Variants in PSTPIP1 observed in about 807,000 individuals in gnomAD.
PSTPIP1 encodes proline-serine-threonine phosphatase-interacting protein 1.
A neutral mutation model predicts 69.6 loss-of-function variants in PSTPIP1; 66 were observed. The observed-to-expected ratio is 0.95, with a 90% CI of 0.78 to 1.16. The LOEUF is 1.16. Ranked by LOEUF, PSTPIP1 falls within the 50% of genes most tolerant of loss-of-function variation. PSTPIP1 has a pLI of 0.00. For missense variants in PSTPIP1, 603 were observed against 557.4 expected, an observed-to-expected ratio of 1.08 and a Z score of -0.82; for synonymous variants, 266 against 222.7, an observed-to-expected ratio of 1.19 and a Z score of -1.73.
intron 5 of PSTPIP1, among the ~76,000 whole-genome samples, chr15:77,025,852 C>T (rs1470885163): frequency 6.6e-6 from 1 of 152,182 alleles, no homozygotes; most frequent in African/African-American, 2.4e-5. Context: ...GTCGAGCTGC[C>T]TCACGCCTAG....
chr15:77,006,969 G>A (rs1462293903), intron 1 of PSTPIP1, among the ~76,000 whole-genome samples: 1 of 152,178 alleles, frequency 6.6e-6, no homozygotes, highest in Non-Finnish European at 1.5e-5. Context: ...TTTTATAGGT[G>A]AGGAGACTGA....
In PSTPIP1 at chr15:77,035,905, G is replaced by C; in HGVS notation, c.1089G>C (p.Glu363Asp). Residue 363 changes from glutamate (E) to aspartate (D), a missense_variant, in exon 14 of 15, where the codon GAG (glutamate) becomes GAC (aspartate). Glu to Asp is a conservative substitution (Grantham distance 45). Transcript: ENST00000558012. The part of the protein sequence containing the change: ...IQGNPASPAQ[E>D]YRALYDYTAQ... Reference sequence around the variant, plus strand: ...GAAACCCGGCCTCACCAGCCCAGGAGTACCGGGCGCTCTACGATTATACAG... The same window carrying C: ...GAAACCCGGCCTCACCAGCCCAGGACTACCGGGCGCTCTACGATTATACAG... 6.2e-7 allele frequency: 1 copy of C among 1,608,944 alleles called. No homozygotes were observed. The highest frequency in any genetic ancestry group is 8.5e-7 in the Non-Finnish European group (1 of 1,179,040).
intron 9 of PSTPIP1, 106 bp downstream of exon 9, chr15:77,030,687 A>C (rs2076393287): frequency 8.7e-7 from 1 of 1,145,234 alleles, no homozygotes; most frequent in Non-Finnish European, 1.2e-6. Context: ...TGGGGAAGGT[A>C]CCTGTTACTC....
intron 1 of PSTPIP1, among the ~76,000 whole-genome samples, chr15:77,013,991 T>C (rs1294342217): frequency 2.0e-5 from 3 of 152,088 alleles, no homozygotes; most frequent in Non-Finnish European, 4.4e-5. Flanking sequence ...GGGAAGGTGT[T>C]TCTGGTCGGG....
chr15:77,037,231 C>T lies in PSTPIP1; in HGVS notation c.*55C>T. 1 of 1,547,728 alleles carries T rather than the reference C, an allele frequency of 6.5e-7. No individual in the cohort carries two copies. Among genetic ancestry groups the T allele is most frequent in the African/African-American group, 1.4e-5 (1 of 73,300 alleles). Reference sequence around the variant, plus strand: ...CCTGCCAGTGGAGCCAGCAGTGCCCCCAGCACTGTCCCCACCTTGCTAGGG... The same window carrying T: ...CCTGCCAGTGGAGCCAGCAGTGCCCTCAGCACTGTCCCCACCTTGCTAGGG... On this transcript the variant is annotated 3_prime_UTR_variant, in exon 15 of 15. Transcript: ENST00000558012.
chr15:77,023,739 G>A (rs1292669287), intron 3 of PSTPIP1: 2 of 152,554 alleles, frequency 1.3e-5, no homozygotes, highest in Non-Finnish European at 2.9e-5. Context: ...CTCTGGGAGG[G>A]GTCTGGGTAT....
intron 1 of PSTPIP1, among the ~76,000 whole-genome samples, chr15:77,012,372 C>T: frequency 7.1e-6 from 1 of 141,238 alleles, no homozygotes. Flanking sequence ...CACCCACCCA[C>T]CTATCCACCC....
chr15:76,995,731 C>A (rs2152659006), intron 1 of PSTPIP1, 122 bp downstream of exon 1: 6 of 1,554,470 alleles, frequency 3.9e-6, no homozygotes, highest in African/African-American at 2.7e-5. Flanking sequence ...GTGGTTGATT[C>A]TTGGTCTTAA....
chr15:77,016,301 T>G (rs62007207), intron 1 of PSTPIP1, among the ~76,000 whole-genome samples: 10,279 of 152,100 alleles, frequency 0.068, 392 homozygotes, highest in Middle Eastern at 0.1. Flanking sequence ...TCCGGGCAGG[T>G]GCAGGAGGCT....
At chr15:77,009,153 T>G (rs1381577468) in intron 1 of PSTPIP1, among the ~76,000 whole-genome samples, 2 of 152,150 alleles carry the variant, frequency 1.3e-5, no homozygotes, top group Non-Finnish European at 2.9e-5. Context: ...GAGCCCCACG[T>G]GCCATCCCCT....
intron 1 of PSTPIP1, among the ~76,000 whole-genome samples, chr15:77,008,483 C>T (rs1371533898): frequency 6.6e-6 from 1 of 152,174 alleles, no homozygotes; most frequent in East Asian, 1.9e-4. Flanking sequence ...CGTGTCGGCT[C>T]ACTGCAACCT....
chr15:77,019,931 T>G (rs988011134), intron 3 of PSTPIP1, among the ~76,000 whole-genome samples: 1 of 152,108 alleles, frequency 6.6e-6, no homozygotes, highest in East Asian at 1.9e-4. Context: ...CCTCCCAGCC[T>G]CCAGGCCAGC....
At chr15:77,002,932 A>G (rs1269968952) in intron 1 of PSTPIP1, among the ~76,000 whole-genome samples, 1 of 152,152 alleles carries the variant, frequency 6.6e-6, no homozygotes, top group Non-Finnish European at 1.5e-5. Flanking sequence ...GATTTGAGAC[A>G]TGTCAGGAGG....
chr15:77,028,347 G>T, intron 6 of PSTPIP1: 1 of 539,426 alleles, frequency 1.9e-6, no homozygotes, highest in South Asian at 2.5e-5. Context: ...CCTCAGTGGG[G>T]AGGGCCTGAG....
chr15:77,003,208 G>A (rs1056126815), intron 1 of PSTPIP1, among the ~76,000 whole-genome samples: 1 of 152,180 alleles, frequency 6.6e-6, no homozygotes, highest in African/African-American at 2.4e-5. Flanking sequence ...TCCTCACCCA[G>A]AGCCTGGCTG....
Position 77,032,887 on chromosome 15 carries a change from C to A in PSTPIP1, c.864C>A (p.Tyr288Ter), listed in dbSNP as rs763986763. 8 of 1,599,956 alleles carry A rather than the reference C, an allele frequency of 5.0e-6. No homozygotes were observed. The highest frequency in any genetic ancestry group is 1.3e-5 in the African/African-American group (1 of 74,700). Residue 288 changes from tyrosine to a stop codon, truncating the protein, a stop_gained, in exon 12 of 15, where the codon TAC (tyrosine) becomes TAA (stop). Transcript: ENST00000558012. LOFTEE classifies it high-confidence loss of function. Reference sequence around the variant, plus strand: ...CTCCGGTGCCCTACCAGAACTATTACGATCGGGAGGTCACCCCGCTGACCA... The same window carrying A: ...CTCCGGTGCCCTACCAGAACTATTAAGATCGGGAGGTCACCCCGCTGACCA... ...PPAPVPYQNY[Y>*]DREVTPLTSS...
At chr15:76,996,287 G>C (rs1368083342) in intron 1 of PSTPIP1, among the ~76,000 whole-genome samples, 1 of 152,238 alleles carries the variant, frequency 6.6e-6, no homozygotes, top group African/African-American at 2.4e-5. Context: ...AGGGCGCCCA[G>C]CCAGTGGTAG....
intron 5 of PSTPIP1, chr15:77,026,213 G>T (rs768276150): frequency 6.6e-6 from 3 of 455,852 alleles, no homozygotes; most frequent in African/African-American, 2.0e-5. Context: ...CAGGGAGGCT[G>T]CAGGGCTGAA....
intron 6 of PSTPIP1, chr15:77,028,259 G>A (rs1179743725): frequency 2.0e-5 from 10 of 499,596 alleles, no homozygotes; most frequent in Non-Finnish European, 3.6e-5. Flanking sequence ...GGCGCGGCGT[G>A]GCGAGGGGCG....
Sources: allele counts gnomAD v4.1 joint callset (sites outside exome capture counted in the v4.1 genomes callset), GRCh38; gene constraint gnomAD v4.1.1; transcripts MANE v1.5; gene names NCBI Gene and HGNC (gene_info 2026-07-23, HGNC 2026-07-21).